The following GSG1L variants were observed in gnomAD, a reference collection of about 807,000 sequenced individuals.
GSG1L encodes the protein germ cell-specific gene 1-like protein.
In GSG1L, 24 loss-of-function variants were observed where a neutral mutation model predicts 42.1. The observed-to-expected ratio is 0.57, with a 90% CI of 0.41 to 0.80. GSG1L has a LOEUF of 0.80. Ranked by LOEUF, GSG1L falls within the 30% of genes least tolerant of loss-of-function variation. The pLI is 0.00. For synonymous variants in GSG1L, 215 were observed against 203.5 expected, an observed-to-expected ratio of 1.06 and a Z score of -0.48; for missense variants, 445 against 472.2, an observed-to-expected ratio of 0.94 and a Z score of 0.53.
In GSG1L at chr16:27,965,224, G is replaced by A. The variant is rs545577198; in HGVS notation, c.350-2021C>T. ...AGTAAAGATGGGATTTCTCCATGTT[G>A]TCCAGGCTGGTCTCGAACTCCTGAC... On this transcript the variant is annotated intron_variant, in intron 1 of 6. Transcript: ENST00000447459. 2.6e-5 allele frequency among the ~76,000 whole-genome samples: 4 copies of A among 152,036 alleles called. No individual in the cohort carries two copies. In the East Asian group the frequency reaches 7.7e-4, roughly 29 times the overall value.
At chr16:27,821,908 G>GTAAATAAATAAATAAATAAA (rs10544246) in intron 5 of GSG1L, among the ~76,000 whole-genome samples, 1 of 149,974 alleles carries the variant, frequency 6.7e-6, no homozygotes, top group African/African-American at 2.5e-5. Flanking sequence ...TCTCAAAAAA[G>GTAAATAAATAAATAAATAAA]TAAATAAATA....
At chr16:27,938,493 CACTG>C (rs2084746429) in intron 2 of GSG1L, among the ~76,000 whole-genome samples, 1 of 151,804 alleles carries the variant, frequency 6.6e-6, no homozygotes, top group Admixed American at 6.6e-5. Context: ...TCCCTGGAAA[CACTG>C]GCTGGAGCCT....
chr16:27,924,182 G>A, intron 2 of GSG1L, among the ~76,000 whole-genome samples: 1 of 151,244 alleles, frequency 6.6e-6, no homozygotes, highest in Non-Finnish European at 1.5e-5. Flanking sequence ...TATATATAAT[G>A]TCTATATACA....
chr16:27,955,587 T>C (rs551426765), intron 2 of GSG1L, among the ~76,000 whole-genome samples: 84 of 152,256 alleles, frequency 5.5e-4, no homozygotes, highest in Admixed American at 9.2e-4. Context: ...ATTTCCAACC[T>C]AAAATTTTAT....
At chr16:27,927,230 G>T (rs1170171588) in intron 2 of GSG1L, among the ~76,000 whole-genome samples, 1 of 152,018 alleles carries the variant, frequency 6.6e-6, no homozygotes, top group Non-Finnish European at 1.5e-5. Context: ...GCTCACTGCA[G>T]CCTCGACTTC....
intron 5 of GSG1L, among the ~76,000 whole-genome samples, chr16:27,822,232 G>A (rs2083158621): frequency 6.6e-6 from 1 of 152,138 alleles, no homozygotes; most frequent in South Asian, 2.1e-4. Context: ...GCTCGGAGAG[G>A]TGAAGCGAGT....
At chr16:27,914,441 C>T (rs772047989) in intron 2 of GSG1L, among the ~76,000 whole-genome samples, 15 of 152,158 alleles carry the variant, frequency 9.9e-5, no homozygotes, top group Non-Finnish European at 1.9e-4. Flanking sequence ...CTCCGAGCCT[C>T]AGTTTCCTGA....
chr16:27,830,799 C>G (rs1317731994), intron 4 of GSG1L, among the ~76,000 whole-genome samples: 1 of 152,222 alleles, frequency 6.6e-6, no homozygotes, highest in Non-Finnish European at 1.5e-5. Context: ...TTTATACTAG[C>G]ATGATGGAAA....
chr16:27,986,543 A>T (rs1200456017), intron 1 of GSG1L, among the ~76,000 whole-genome samples: 1 of 151,046 alleles, frequency 6.6e-6, no homozygotes, highest in Admixed American at 6.6e-5. Context: ...TGTGATTTGG[A>T]TACCTAGAGG....
At chr16:27,911,200 C>A (rs957750503) in intron 2 of GSG1L, among the ~76,000 whole-genome samples, 1 of 151,960 alleles carries the variant, frequency 6.6e-6, no homozygotes, top group Non-Finnish European at 1.5e-5. Flanking sequence ...CACAACCAAG[C>A]CCACTGTTTG....
intron 4 of GSG1L, among the ~76,000 whole-genome samples, chr16:27,842,765 G>A (rs912629540): frequency 1.3e-5 from 2 of 152,160 alleles, no homozygotes; most frequent in Admixed American, 6.5e-5. Flanking sequence ...TGGAGCTGGG[G>A]TGCCCACTGA....
intron 2 of GSG1L, among the ~76,000 whole-genome samples, chr16:27,936,907 A>C (rs549908644): frequency 3.7e-4 from 56 of 152,254 alleles, no homozygotes; most frequent in African/African-American, 1.0e-3. Context: ...CAGGAAAGTC[A>C]TTGAGGCAGC....
Position 28,063,307 on chromosome 16 carries a change from G to C in GSG1L, c.118C>G (p.Pro40Ala), listed in dbSNP as rs1440840932. 1.4e-6 allele frequency: 2 copies of C among 1,392,098 alleles called. No individual in the cohort carries two copies. The highest frequency in any genetic ancestry group is 1.9e-6 in the Non-Finnish European group (2 of 1,064,754). 86.2% of individuals were successfully genotyped at this position (1,392,098 alleles called of 1,614,324 possible). The change falls in exon 1 of 7, where the codon CCC becomes GCC. Residue 40 changes from proline to alanine, a missense_variant. By Grantham distance (27) the Pro-to-Ala change is conservative. This residue lies in a region of GSG1L where 156 missense variants were observed against 128.3 expected (regional missense o/e 1.22). Coordinates refer to ENST00000447459, the MANE Select transcript of GSG1L (RefSeq NM_001109763.2). The surrounding 1 kb of genome is among the most constrained non-coding windows in gnomAD (Gnocchi z 5.8). ...THWCQGTQRV[P>A]KPGCGQGGRA... The stretch of plus-strand genomic sequence containing the variant: ...CCGCCCTGGCCGCAGCCCGGCTTGG[G>C]GACCCGCTGCGTGCCCTGGCACCAG...
chr16:27,867,247 A>C (rs1487113799), intron 3 of GSG1L, among the ~76,000 whole-genome samples: 1 of 152,164 alleles, frequency 6.6e-6, no homozygotes, highest in East Asian at 1.9e-4. Context: ...CAGGTGATGC[A>C]GTGCTTATGC....
At chr16:28,050,351 T>G (rs1596732823) in intron 1 of GSG1L, among the ~76,000 whole-genome samples, 1 of 152,104 alleles carries the variant, frequency 6.6e-6, no homozygotes, top group East Asian at 1.9e-4. Flanking sequence ...TGGCTAATGT[T>G]TTTTGTAGAG....
rs893893265 is a variant in GSG1L, at chr16:27,890,490, G to A, written c.398-5852C>T. 3.4e-4 allele frequency among the ~76,000 whole-genome samples: 51 copies of A among 152,172 alleles called. 1 individual carries two copies. Among genetic ancestry groups the A allele is most frequent in the Admixed American group, 2.3e-3 (35 of 15,282 alleles). ...CGCTGCACTCCATGCAAAAGATGAC[G>A]GTGGCCTGGACTGTGGCCACAGTGG... On this transcript the variant is annotated intron_variant, in intron 2 of 6. Coordinates refer to ENST00000447459, the MANE Select transcript of GSG1L (RefSeq NM_001109763.2).
chr16:28,013,843 A>G (rs548361594), intron 1 of GSG1L, among the ~76,000 whole-genome samples: 6 of 152,338 alleles, frequency 3.9e-5, no homozygotes, highest in East Asian at 1.9e-4. Flanking sequence ...GCTCTTGCCA[A>G]TGGCTTGTGA....
At chr16:28,057,619 C>A (rs951374035) in intron 1 of GSG1L, among the ~76,000 whole-genome samples, 2 of 152,198 alleles carry the variant, frequency 1.3e-5, no homozygotes, top group Non-Finnish European at 2.9e-5. Context: ...AAAACAGATA[C>A]ACGGTTCAGA....
chr16:27,797,383 T>C (rs186537492), intron 6 of GSG1L, among the ~76,000 whole-genome samples: 1 of 151,496 alleles, frequency 6.6e-6, no homozygotes, highest in East Asian at 2.0e-4. Context: ...ATTATCTTGG[T>C]GTGGTAGCAG....
Sources: allele counts gnomAD v4.1 joint callset (sites outside exome capture counted in the v4.1 genomes callset), GRCh38; gene constraint gnomAD v4.1.1; regional missense constraint gnomAD v4.1.1; non-coding constraint Gnocchi (gnomAD v3.1); transcripts MANE v1.5; gene names NCBI Gene and HGNC (gene_info 2026-07-23, HGNC 2026-07-21).